Variants in LRP1B observed in about 807,000 individuals in gnomAD.
LRP1B encodes the protein low-density lipoprotein receptor-related protein 1B.
In LRP1B, 217 loss-of-function variants were observed where a neutral mutation model predicts 556.6. That is an observed-to-expected ratio of 0.39 (90% confidence interval 0.35 to 0.44). The LOEUF (loss-of-function observed/expected upper bound fraction) is 0.44, where lower values mean the gene tolerates loss of function less well. Ranked by LOEUF, LRP1B falls within the 20% of genes least tolerant of loss-of-function variation. The pLI is 1.00. For missense variants in LRP1B, 5,053 were observed against 5,620.8 expected (o/e 0.90, Z 3.23); for synonymous variants, 2,047 against 1,865.8 (o/e 1.10, Z -2.50).
intron 7 of LRP1B, among the ~76,000 whole-genome samples, chr2:141,125,439 A>T (rs962289610): frequency 6.6e-6 from 1 of 152,220 alleles, no homozygotes; most frequent in Non-Finnish European, 1.5e-5. Flanking sequence ...GACAGAAAGA[A>T]TGCAGAGAAA....
At chr2:140,662,059 T>A (rs1329438222) in intron 41 of LRP1B, among the ~76,000 whole-genome samples, 1 of 152,146 alleles carries the variant, frequency 6.6e-6, no homozygotes, top group African/African-American at 2.4e-5. Flanking sequence ...AGTAGCCATA[T>A]GGAAATATTT....
chr2:140,348,019 GAATA>G (rs1485351788), intron 77 of LRP1B, among the ~76,000 whole-genome samples: 1 of 151,876 alleles, frequency 6.6e-6, no homozygotes, highest in African/African-American at 2.4e-5. Flanking sequence ...GATTTCAGAG[GAATA>G]AACACAAATT....
chr2:141,957,900 C>T (rs1207544470), intron 1 of LRP1B, among the ~76,000 whole-genome samples: 1 of 151,970 alleles, frequency 6.6e-6, no homozygotes, highest in Non-Finnish European at 1.5e-5. Flanking sequence ...TTTCTTGAGG[C>T]AAAACATATT....
chr2:141,070,436 T>C (rs1249982579), intron 7 of LRP1B, among the ~76,000 whole-genome samples: 1 of 151,556 alleles, frequency 6.6e-6, no homozygotes, highest in Non-Finnish European at 1.5e-5. Context: ...AACATCACTA[T>C]TAAAAGAACT....
intron 2 of LRP1B, among the ~76,000 whole-genome samples, chr2:141,792,707 TC>T (rs1695657114): frequency 6.6e-6 from 1 of 151,992 alleles, no homozygotes; most frequent in South Asian, 2.1e-4. Context: ...ATGAGGTCCA[TC>T]CTATGACACA....
intron 78 of LRP1B, 74 bp from the exon 79 acceptor site, chr2:140,334,633 G>A (rs1680978118): frequency 5.3e-6 from 4 of 757,198 alleles, no homozygotes; most frequent in Non-Finnish European, 8.5e-6. Context: ...GCAAAGCAGT[G>A]GCTCTTCAGA....
intron 6 of LRP1B, among the ~76,000 whole-genome samples, chr2:141,198,877 T>C (rs1681874884): frequency 6.6e-6 from 1 of 152,130 alleles, no homozygotes; most frequent in Non-Finnish European, 1.5e-5. Flanking sequence ...CACCACATAT[T>C]CAATCTATCA....
intron 3 of LRP1B, among the ~76,000 whole-genome samples, chr2:141,451,245 C>T (rs1573959788): frequency 6.6e-6 from 1 of 152,148 alleles, no homozygotes; most frequent in Non-Finnish European, 1.5e-5. Context: ...ATGACTTCAA[C>T]AGAATACAAC....
chr2:140,986,367 T>C (rs909363407), intron 17 of LRP1B, among the ~76,000 whole-genome samples: 7 of 152,226 alleles, frequency 4.6e-5, no homozygotes, highest in African/African-American at 1.7e-4. Flanking sequence ...ATTATCAACA[T>C]AGAAATAGAA....
At chr2:140,667,181 C>T (rs989777496) in intron 41 of LRP1B, among the ~76,000 whole-genome samples, 6 of 152,048 alleles carry the variant, frequency 3.9e-5, no homozygotes, top group Admixed American at 6.6e-5. Flanking sequence ...TACCTCCATG[C>T]CTGGGACAGA....
intron 28 of LRP1B, among the ~76,000 whole-genome samples, chr2:140,850,659 G>A (rs1012270817): frequency 6.6e-6 from 1 of 152,020 alleles, no homozygotes; most frequent in Non-Finnish European, 1.5e-5. Flanking sequence ...TACTTTGTAC[G>A]TAATTACTAC....
chr2:140,264,240 A>T (rs534793567), intron 86 of LRP1B, among the ~76,000 whole-genome samples: 2 of 150,700 alleles, frequency 1.3e-5, no homozygotes, highest in East Asian at 3.9e-4. Flanking sequence ...TGGTTTGTTT[A>T]TTTTTTTTGA....
intron 74 of LRP1B, 116 bp downstream of exon 74, chr2:140,357,863 G>T: frequency 2.6e-6 from 3 of 1,149,442 alleles, no homozygotes; most frequent in South Asian, 2.0e-5. Context: ...TTGAAAAAGG[G>T]CATCAGTCAA....
intron 3 of LRP1B, among the ~76,000 whole-genome samples, chr2:141,372,852 G>A (rs1202717189): frequency 1.3e-5 from 2 of 151,666 alleles, no homozygotes; most frequent in East Asian, 3.9e-4. Flanking sequence ...CTATTTTGGG[G>A]GTGCCTCTCT....
chr2:141,036,491 T>C (rs890409399), intron 11 of LRP1B, among the ~76,000 whole-genome samples: 3 of 151,982 alleles, frequency 2.0e-5, no homozygotes, highest in African/African-American at 4.8e-5. Flanking sequence ...ACCTTCCACC[T>C]CCCTGAAGCA....
chr2:140,343,472 G>C (rs1365565650), intron 77 of LRP1B, among the ~76,000 whole-genome samples: 2 of 151,350 alleles, frequency 1.3e-5, no homozygotes, highest in African/African-American at 2.4e-5. Context: ...GCAATAACAA[G>C]ACAAAAATCA....
intron 35 of LRP1B, among the ~76,000 whole-genome samples, chr2:140,748,123 ATATATATATATAT>A (rs374648958): frequency 0.14 from 16,343 of 120,330 alleles, 1,531 homozygotes; most frequent in East Asian, 0.28. Flanking sequence ...ATATATATAT[ATATATATATATAT>A]AATTCATATA....
intron 85 of LRP1B, among the ~76,000 whole-genome samples, chr2:140,272,864 C>T (rs11897854): frequency 0.53 from 79,724 of 151,768 alleles, 23,905 homozygotes; most frequent in Non-Finnish European, 0.68. Flanking sequence ...TCATTGTTAG[C>T]AATTGTTATT....
At chr2:141,647,584 C>T (rs1243645588) in intron 2 of LRP1B, among the ~76,000 whole-genome samples, 1 of 152,054 alleles carries the variant, frequency 6.6e-6, no homozygotes, top group African/African-American at 2.4e-5. Flanking sequence ...CCCTCAACTT[C>T]TATCTTCTAA....
Sources: gnomAD v4.1 joint callset for allele counts (sites outside exome capture counted in the v4.1 genomes callset) on GRCh38, gnomAD v4.1.1 for gene constraint, MANE v1.5 for transcripts, NCBI Gene and HGNC (gene_info 2026-07-23, HGNC 2026-07-21) for gene names.